CDH12: variants seen among roughly 807,000 people sequenced by gnomAD.
CDH12 encodes the protein cadherin 12.
A neutral mutation model predicts 74.1 loss-of-function variants in CDH12; 41 were observed. That is an observed-to-expected ratio of 0.55 (90% confidence interval 0.43 to 0.72). The LOEUF is 0.72. Ranked by LOEUF, CDH12 falls within the 30% of genes least tolerant of loss-of-function variation. The pLI, the probability that CDH12 is intolerant of heterozygous loss-of-function variation, is 0.00. For missense variants in CDH12, 945 were observed against 977.2 expected (o/e 0.97, Z 0.44); for synonymous variants, 399 against 355.0 (o/e 1.12, Z -1.39).
intron 1 of CDH12, among the ~76,000 whole-genome samples, chr5:22,761,532 G>T (rs1395323624): frequency 6.6e-6 from 1 of 152,094 alleles, no homozygotes; most frequent in Non-Finnish European, 1.5e-5. Flanking sequence ...AGTAACGTCT[G>T]CTCTTTAACT....
intron 1 of CDH12, among the ~76,000 whole-genome samples, chr5:22,809,945 C>G (rs1447677017): frequency 1.3e-5 from 2 of 151,982 alleles, no homozygotes; most frequent in Non-Finnish European, 2.9e-5. Flanking sequence ...AGAATGTATC[C>G]TAGCTTAAAC....
intron 3 of CDH12, among the ~76,000 whole-genome samples, chr5:22,282,483 G>C (rs1736932426): frequency 6.6e-6 from 1 of 152,080 alleles, no homozygotes. Context: ...GAAAATTTTT[G>C]CAATCTATCC....
intron 1 of CDH12, among the ~76,000 whole-genome samples, chr5:22,639,756 G>A (rs1030415288): frequency 6.6e-6 from 1 of 152,030 alleles, no homozygotes; most frequent in Non-Finnish European, 1.5e-5. Context: ...TTAGGTCTCT[G>A]GTGCTCAGGA....
intron 5 of CDH12, among the ~76,000 whole-genome samples, chr5:21,999,327 T>C (rs1204016689): frequency 6.6e-6 from 1 of 152,188 alleles, no homozygotes; most frequent in Non-Finnish European, 1.5e-5. Flanking sequence ...CCATCTCTTC[T>C]GACACCACCA....
At chr5:22,165,800 G>A (rs149801983) in intron 4 of CDH12, among the ~76,000 whole-genome samples, 8,681 of 152,192 alleles carry the variant, frequency 0.057, 260 homozygotes, top group Non-Finnish European at 0.062. Flanking sequence ...AAGATGGCGA[G>A]GAGAGTGACC....
At chr5:22,519,047 G>C (rs976206996) in intron 1 of CDH12, among the ~76,000 whole-genome samples, 2 of 152,080 alleles carry the variant, frequency 1.3e-5, no homozygotes, top group African/African-American at 4.8e-5. Flanking sequence ...ACTCATCCAT[G>C]CCACCAGAGA....
At chr5:22,030,450 A>G (rs1017995575) in intron 5 of CDH12, among the ~76,000 whole-genome samples, 1 of 152,132 alleles carries the variant, frequency 6.6e-6, no homozygotes, top group African/African-American at 2.4e-5. Context: ...GAGCAGTAAT[A>G]TTTTGATAGG....
chr5:22,667,006 T>C (rs913894928), intron 1 of CDH12, among the ~76,000 whole-genome samples: 1 of 152,216 alleles, frequency 6.6e-6, no homozygotes, highest in Non-Finnish European at 1.5e-5. Context: ...TTCTGTTCAG[T>C]GGCTTTGCTA....
chr5:21,862,976 T>G (rs1751129822), intron 6 of CDH12, among the ~76,000 whole-genome samples: 3 of 152,116 alleles, frequency 2.0e-5, no homozygotes, highest in African/African-American at 7.2e-5. Flanking sequence ...TGGGAGTCTT[T>G]GAGCCAACTC....
chr5:22,490,981 C>T (rs1051798359), intron 2 of CDH12, among the ~76,000 whole-genome samples: 4 of 152,074 alleles, frequency 2.6e-5, no homozygotes, highest in African/African-American at 7.2e-5. Context: ...TTCCTCATTT[C>T]TATTTGCTTA....
At chr5:21,945,506 T>A (rs1007795534) in intron 6 of CDH12, among the ~76,000 whole-genome samples, 1 of 143,114 alleles carries the variant, frequency 7.0e-6, no homozygotes, top group Non-Finnish European at 1.5e-5. Flanking sequence ...ATCATAAAAG[T>A]GTTTAAATAA....
At chr5:21,953,608 A>G (rs974724111) in intron 6 of CDH12, among the ~76,000 whole-genome samples, 2 of 152,208 alleles carry the variant, frequency 1.3e-5, no homozygotes, top group African/African-American at 4.8e-5. Context: ...AAAGGAAGAA[A>G]TAATTCTCCA....
chr5:22,710,691 C>T (rs933038322), intron 1 of CDH12, among the ~76,000 whole-genome samples: 2 of 152,110 alleles, frequency 1.3e-5, no homozygotes, highest in African/African-American at 4.8e-5. Context: ...AGTCTCCCAT[C>T]CCAGAATTAG....
intron 3 of CDH12, among the ~76,000 whole-genome samples, chr5:22,373,267 CT>C (rs1741375122): frequency 6.6e-6 from 1 of 152,216 alleles, no homozygotes; most frequent in Admixed American, 6.5e-5. Flanking sequence ...TTGGCACCCC[CT>C]GGCATGAGCC....
At chr5:21,957,918 T>A (rs1756173778) in intron 6 of CDH12, among the ~76,000 whole-genome samples, 1 of 152,146 alleles carries the variant, frequency 6.6e-6, no homozygotes, top group African/African-American at 2.4e-5. Flanking sequence ...TCTTAATAAG[T>A]TTAATGAGAT....
intron 1 of CDH12, among the ~76,000 whole-genome samples, chr5:22,744,271 T>C (rs1745183182): frequency 6.6e-6 from 1 of 151,862 alleles, no homozygotes; most frequent in African/African-American, 2.4e-5. Flanking sequence ...CTACTAAAAA[T>C]ACAAAAAATT....
At chr5:21,823,409 C>T (rs1035049667) in intron 8 of CDH12, among the ~76,000 whole-genome samples, 3 of 152,064 alleles carry the variant, frequency 2.0e-5, no homozygotes, top group African/African-American at 7.2e-5. Flanking sequence ...ATGTCAGAAG[C>T]ACCTCTAGTA....
At position 22,709,819 on chromosome 5, in the gene CDH12, C is replaced by T. The variant is rs559926510; in HGVS notation, c.-523+143239G>A. Among the ~76,000 whole-genome samples, 14 of 152,292 alleles carry T rather than the reference C, an allele frequency of 9.2e-5. No individual in the cohort carries two copies. The East Asian group carries it at 2.7e-3, about 29-fold the overall frequency. ...CAGATGATTGAACCTATGGTACAGA[C>T]TGAAAGTTCTGTGTCTATGATTGGA... On this transcript the variant is annotated intron_variant, in intron 1 of 14. Transcript: ENST00000382254.
chr5:22,552,398 A>C (rs1738612293), intron 1 of CDH12, among the ~76,000 whole-genome samples: 1 of 151,854 alleles, frequency 6.6e-6, no homozygotes, highest in African/African-American at 2.4e-5. Context: ...TCAGGAGAAA[A>C]ATGAAAAGAC....
Sources: gnomAD v4.1 joint callset for allele counts (sites outside exome capture counted in the v4.1 genomes callset) on GRCh38, gnomAD v4.1.1 for gene constraint, MANE v1.5 for transcripts, NCBI Gene and HGNC (gene_info 2026-07-23, HGNC 2026-07-21) for gene names.